Variants in PCDHA3 observed in about 807,000 individuals in gnomAD.
The protein encoded by PCDHA3 is protocadherin alpha 3.
PCDHA3 carries 41 observed loss-of-function variants against 62.2 expected under a neutral mutation model. The observed-to-expected ratio is 0.66, with a 90% CI of 0.51 to 0.86. The LOEUF is 0.86. Ranked by LOEUF, PCDHA3 falls within the 40% of genes least tolerant of loss-of-function variation. The pLI is 0.00. For synonymous variants in PCDHA3, 640 were observed against 555.4 expected (o/e 1.15, Z -2.14); for missense variants, 1,304 against 1,241.2 (o/e 1.05, Z -0.76).
At chr5:141,007,015 A>G (rs1342063703) in intron 3 of PCDHA3, among the ~76,000 whole-genome samples, 1 of 152,210 alleles carries the variant, frequency 6.6e-6, no homozygotes, top group Non-Finnish European at 1.5e-5. Flanking sequence ...TCATCAGCTT[A>G]TTCATATGGT....
chr5:140,835,910 A>T (rs2150248144), intron 1 of PCDHA3: 1 of 1,612,256 alleles, frequency 6.2e-7, no homozygotes, highest in Non-Finnish European at 8.5e-7. Flanking sequence ...GCTACGTGTC[A>T]GTGCACGCGG....
chr5:140,848,861 G>C, intron 1 of PCDHA3: 1 of 1,590,758 alleles, frequency 6.3e-7, no homozygotes, highest in Non-Finnish European at 8.6e-7. Flanking sequence ...TGGACGTGGA[G>C]GTGAAGGACA....
intron 1 of PCDHA3, chr5:140,882,076 G>A: frequency 1.1e-6 from 1 of 920,546 alleles, no homozygotes. Flanking sequence ...TGCGCATGGT[G>A]TCGCTCTTCA....
intron 1 of PCDHA3, among the ~76,000 whole-genome samples, chr5:140,932,800 C>A (rs1041924506): frequency 6.6e-6 from 1 of 151,684 alleles, no homozygotes; most frequent in Non-Finnish European, 1.5e-5. Context: ...AAAAGCAATA[C>A]CTTGGAAACA....
intron 1 of PCDHA3, chr5:140,836,466 G>C (rs1554135989): frequency 1.2e-6 from 2 of 1,613,862 alleles, no homozygotes; most frequent in Non-Finnish European, 1.7e-6. Context: ...CGAGCTGGTG[G>C]ATGTCAACGT....
intron 3 of PCDHA3, among the ~76,000 whole-genome samples, chr5:141,004,948 C>T (rs1356526927): frequency 6.6e-6 from 1 of 152,236 alleles, no homozygotes; most frequent in African/African-American, 2.4e-5. Context: ...TTCTTACCCT[C>T]TCTCGTCACT....
chr5:140,928,185 C>T (rs371901224), intron 1 of PCDHA3: 1 of 1,614,064 alleles, frequency 6.2e-7, no homozygotes, highest in Non-Finnish European at 8.5e-7. Flanking sequence ...GAAGGACAAT[C>T]ACTGTGTCAG....
intron 1 of PCDHA3, among the ~76,000 whole-genome samples, chr5:140,838,075 A>AGTGTGTGTGTGTGTG (rs781914509): frequency 1.6e-5 from 2 of 128,136 alleles, no homozygotes; most frequent in South Asian, 5.3e-4. Context: ...TTATATATAT[A>AGTGTGTGTGTGTGTG]TAGTGTGTGT....
At chr5:140,900,920 T>C (rs539511607) in intron 1 of PCDHA3, among the ~76,000 whole-genome samples, 1 of 152,322 alleles carries the variant, frequency 6.6e-6, no homozygotes, top group South Asian at 2.1e-4. Context: ...TAAGATGATA[T>C]CTCATTGTAG....
chr5:140,858,097 G>A (rs2045175006), intron 1 of PCDHA3: 1 of 1,597,732 alleles, frequency 6.3e-7, no homozygotes, highest in Non-Finnish European at 8.6e-7. Context: ...GGGCTTCAGT[G>A]GGCGTGGCGC....
chr5:140,871,524 G>A (rs1554165700), intron 1 of PCDHA3: 3 of 1,546,672 alleles, frequency 1.9e-6, no homozygotes, highest in Middle Eastern at 1.7e-4. Flanking sequence ...CACCTATCAG[G>A]AAGTGTATGT....
chr5:140,916,437 C>T lies in PCDHA3; in HGVS notation c.2395-62512C>T, dbSNP rs77605255. Among the ~76,000 whole-genome samples the T allele has an allele frequency of 8.0e-3, 1,220 of 152,340 alleles. 6 individuals are homozygous for T. The highest frequency in any genetic ancestry group is 0.019 in the African/African-American group (786 of 41,586). Reference sequence around the variant, plus strand: ...AGCACATCTCAGAACCTAAGGCCCACAGTATACTACCTGGATATCACTGCT... The same window carrying T: ...AGCACATCTCAGAACCTAAGGCCCATAGTATACTACCTGGATATCACTGCT... On this transcript the variant is annotated intron_variant, in intron 1 of 3. Coordinates refer to ENST00000522353, the MANE Select transcript of PCDHA3 (RefSeq NM_018906.3).
At chr5:140,805,712 A>T in intron 1 of PCDHA3, 1 of 609,252 alleles carries the variant, frequency 1.6e-6, no homozygotes, top group Non-Finnish European at 2.1e-6. Flanking sequence ...TAGAATAAAA[A>T]TTAAGCTAAA....
At chr5:140,862,843 C>T (rs781903712) in intron 1 of PCDHA3, 3 of 572,390 alleles carry the variant, frequency 5.2e-6, no homozygotes, top group African/African-American at 2.0e-5. Flanking sequence ...GGGCATGCCG[C>T]CTCTGAGCAG....
Position 140,910,294 on chromosome 5 carries a change from A to C in PCDHA3, c.2395-68655A>C, listed in dbSNP as rs146332329. Among the ~76,000 whole-genome samples, 1,310 of 151,558 alleles carry C rather than the reference A, an allele frequency of 8.6e-3. 14 individuals carry two copies. The highest frequency in any genetic ancestry group is 0.03 in the African/African-American group (1,252 of 41,252). ...TCTAGGAACACCATGATTAATCAAC[A>C]GATGCCAGAGATCTACATGAGTCAG... On this transcript the variant is annotated intron_variant, in intron 1 of 3. Transcript: ENST00000522353.
intron 3 of PCDHA3, among the ~76,000 whole-genome samples, chr5:140,984,282 C>T (rs543279467): frequency 6.6e-6 from 1 of 152,296 alleles, no homozygotes; most frequent in Admixed American, 6.5e-5. Flanking sequence ...ATACATTCTC[C>T]CTCCCATTGG....
At chr5:140,841,453 C>A (rs2150315811) in intron 1 of PCDHA3, 1 of 1,612,918 alleles carries the variant, frequency 6.2e-7, no homozygotes, top group South Asian at 1.1e-5. Flanking sequence ...ACGGCACCTT[C>A]GTGGGCCGGA....
At chr5:140,836,530 T>A (rs2150263016) in intron 1 of PCDHA3, 18 of 1,613,716 alleles carry the variant, frequency 1.1e-5, no homozygotes, top group African/African-American at 4.0e-5. Flanking sequence ...CTTACCCTGC[T>A]GCTGTACACG....
rs782751288 is a variant in PCDHA3, at chr5:140,803,447, C to T, written c.2250C>T (p.Tyr750=). 15 of 1,614,048 alleles carry T rather than the reference C, an allele frequency of 9.3e-6. No individual in the cohort carries two copies. In the Admixed American group the frequency reaches 2.0e-4, roughly 22 times the overall value. The part of the protein sequence containing the change: ...VCSSAVGSWS[Y]SQQRQQRVCS... The stretch of plus-strand genomic sequence containing the variant: ...CCAGCGCGGTGGGGAGCTGGTCATA[C>T]TCGCAGCAGAGGCAGCAGAGGGTGT... Residue 750 remains tyrosine (Y), a synonymous_variant, in exon 1 of 4, where the codon TAC becomes TAT. Transcript: ENST00000522353.
Sources: gnomAD v4.1 joint callset for allele counts (sites outside exome capture counted in the v4.1 genomes callset) on GRCh38, gnomAD v4.1.1 for gene constraint, MANE v1.5 for transcripts, NCBI Gene and HGNC (gene_info 2026-07-23, HGNC 2026-07-21) for gene names.